MSRA: variants seen among roughly 807,000 people sequenced by gnomAD.
MSRA encodes the protein methionine sulfoxide reductase A, also known as mitochondrial peptide methionine sulfoxide reductase.
Under a neutral mutation model 31.3 loss-of-function variants are expected in MSRA, and 54 were observed. The observed-to-expected ratio is 1.73, with a 90% CI of 1.39 to 2.17. The LOEUF is 2.17. Ranked by LOEUF, MSRA falls within the 30% of genes most tolerant of loss-of-function variation. The pLI is 0.00. For missense variants in MSRA, 507 were observed against 300.9 expected (o/e 1.69, Z -5.07); for synonymous variants, 169 against 116.5 (o/e 1.45, Z -2.90).
intron 1 of MSRA, among the ~76,000 whole-genome samples, chr8:10,126,673 T>C (rs961080407): frequency 6.6e-6 from 1 of 152,128 alleles, no homozygotes; most frequent in Non-Finnish European, 1.5e-5. Flanking sequence ...CCACCATGCC[T>C]GGCTAATTTT....
At chr8:10,417,433 C>CACACACAG (rs1554557426) in intron 5 of MSRA, among the ~76,000 whole-genome samples, 33 of 151,590 alleles carry the variant, frequency 2.2e-4, no homozygotes, top group Non-Finnish European at 3.2e-4. Context: ...CACACACACA[C>CACACACAG]ACACACACAC....
intron 4 of MSRA, among the ~76,000 whole-genome samples, chr8:10,303,088 G>C (rs767400580): frequency 1.3e-5 from 2 of 152,218 alleles, no homozygotes. Context: ...CAAAGTCAAG[G>C]GTCAGAGGAA....
At chr8:10,238,096 T>C (rs1812105092) in intron 2 of MSRA, among the ~76,000 whole-genome samples, 1 of 152,236 alleles carries the variant, frequency 6.6e-6, no homozygotes, top group Non-Finnish European at 1.5e-5. Flanking sequence ...TTTGTCCTGC[T>C]ACTTCCTCCT....
At chr8:10,285,399 G>C (rs924513306) in intron 3 of MSRA, among the ~76,000 whole-genome samples, 10 of 152,146 alleles carry the variant, frequency 6.6e-5, no homozygotes, top group Non-Finnish European at 1.3e-4. Context: ...ATGGAGTACA[G>C]GGTGATGTTT....
At chr8:10,061,778 T>A (rs1286718191) in intron 1 of MSRA, among the ~76,000 whole-genome samples, 1 of 152,138 alleles carries the variant, frequency 6.6e-6, no homozygotes, top group Admixed American at 6.5e-5. Context: ...CCAGTAGTGG[T>A]GATAGATTTT....
At chr8:10,403,515 T>A (rs895980722) in intron 5 of MSRA, among the ~76,000 whole-genome samples, 2 of 152,112 alleles carry the variant, frequency 1.3e-5, no homozygotes, top group Non-Finnish European at 2.9e-5. Context: ...GAATTGCCGC[T>A]GGGGCTCTGG....
chr8:10,280,108 C>T (rs955285587), intron 3 of MSRA, among the ~76,000 whole-genome samples: 12 of 152,206 alleles, frequency 7.9e-5, no homozygotes, highest in Admixed American at 3.3e-4. Flanking sequence ...GAAGTTTTTG[C>T]AGTGTTTTTC....
intron 1 of MSRA, 107 bp downstream of exon 1, chr8:10,054,765 G>A (rs951236643): frequency 1.1e-4 from 132 of 1,253,550 alleles, no homozygotes; most frequent in Non-Finnish European, 1.3e-4. Flanking sequence ...GCTGGCCTCG[G>A]GCGGGTCGCG....
At chr8:10,100,811 A>C (rs4840463) in intron 1 of MSRA, among the ~76,000 whole-genome samples, 91,579 of 151,852 alleles carry the variant, frequency 0.6, 29,104 homozygotes, top group Middle Eastern at 0.72. Context: ...AGAGGAGATG[A>C]ACATTTTCTT....
At chr8:10,084,519 A>T (rs1386598500) in intron 1 of MSRA, among the ~76,000 whole-genome samples, 1 of 152,248 alleles carries the variant, frequency 6.6e-6, no homozygotes, top group Non-Finnish European at 1.5e-5. Flanking sequence ...GTGGGTATAC[A>T]AACTGGAGAC....
At chr8:10,363,530 A>T (rs1200655769) in intron 5 of MSRA, among the ~76,000 whole-genome samples, 2 of 152,020 alleles carry the variant, frequency 1.3e-5, no homozygotes, top group Non-Finnish European at 2.9e-5. Context: ...TAGCATGACG[A>T]TGTATATTCT....
At chr8:10,218,005 G>A (rs1424095379) in intron 2 of MSRA, among the ~76,000 whole-genome samples, 1 of 151,974 alleles carries the variant, frequency 6.6e-6, no homozygotes, top group Non-Finnish European at 1.5e-5. Context: ...GAACGATCAT[G>A]TTCATTTGTC....
intron 5 of MSRA, among the ~76,000 whole-genome samples, chr8:10,423,207 C>A (rs1011441408): frequency 1.3e-5 from 2 of 152,316 alleles, no homozygotes; most frequent in Admixed American, 6.5e-5. Context: ...TCCTCCTCTC[C>A]AGCTCTCCTG....
chr8:10,237,667 C>G (rs1041728117), intron 2 of MSRA, among the ~76,000 whole-genome samples: 3 of 152,210 alleles, frequency 2.0e-5, no homozygotes, highest in Non-Finnish European at 4.4e-5. Flanking sequence ...TGATCTTTTC[C>G]TACACGTCTG....
intron 3 of MSRA, among the ~76,000 whole-genome samples, chr8:10,287,908 A>C (rs552949904): frequency 6.6e-6 from 1 of 152,148 alleles, no homozygotes; most frequent in East Asian, 1.9e-4. Flanking sequence ...TTCATCCTGG[A>C]GTTGCCATTT....
rs112585241 is a variant in MSRA, at chr8:10,160,009, G to C, written c.143-47824G>C. Among the ~76,000 whole-genome samples, 863 of 152,298 alleles carry C rather than the reference G, an allele frequency of 5.7e-3. 7 individuals carry two copies. The highest frequency in any genetic ancestry group is 0.02 in the African/African-American group (816 of 41,558). Reference sequence around the variant, plus strand: ...CATGAAATCTTTAAAAAACCCTTTAGAAAAGTGGTCTATATAATTCTTAGC... The same window carrying C: ...CATGAAATCTTTAAAAAACCCTTTACAAAAGTGGTCTATATAATTCTTAGC... On this transcript the variant is annotated intron_variant, in intron 1 of 5. Coordinates refer to ENST00000317173, the MANE Select transcript of MSRA (RefSeq NM_012331.5).
intron 1 of MSRA, among the ~76,000 whole-genome samples, chr8:10,084,448 T>C (rs1239926424): frequency 1.3e-5 from 2 of 152,246 alleles, no homozygotes; most frequent in Non-Finnish European, 2.9e-5. Context: ...ATCAAACAGA[T>C]CTTAACCATG....
At chr8:10,063,857 G>A (rs779918570) in intron 1 of MSRA, among the ~76,000 whole-genome samples, 4 of 152,188 alleles carry the variant, frequency 2.6e-5, no homozygotes, top group Non-Finnish European at 5.9e-5. Flanking sequence ...GCAGTCTGGC[G>A]GACTGAGACA....
At chr8:10,140,125 G>T (rs1015502571) in intron 1 of MSRA, among the ~76,000 whole-genome samples, 4 of 152,220 alleles carry the variant, frequency 2.6e-5, no homozygotes, top group Non-Finnish European at 5.9e-5. Context: ...GTGGAGGAGT[G>T]TGGTGTGATT....
Sources: gnomAD v4.1 joint callset for allele counts (sites outside exome capture counted in the v4.1 genomes callset) on GRCh38, gnomAD v4.1.1 for gene constraint, MANE v1.5 for transcripts, NCBI Gene and HGNC (gene_info 2026-07-23, HGNC 2026-07-21) for gene names.